TNKS: variants seen among roughly 807,000 people sequenced by gnomAD.
TNKS encodes tankyrase, also known as poly [ADP-ribose] polymerase tankyrase-1.
In TNKS, 72 loss-of-function variants were observed where a neutral mutation model predicts 135.8. The ratio of observed to expected loss-of-function variants is 0.53; its 90% CI spans 0.44 to 0.64. TNKS has a LOEUF of 0.64. TNKS is among the 30% of genes least tolerant of loss of function. The pLI is 0.00. For synonymous variants in TNKS, 849 were observed against 649.3 expected, an observed-to-expected ratio of 1.31 and a Z score of -4.68; for missense variants, 1,769 against 1,674.0, an observed-to-expected ratio of 1.06 and a Z score of -0.99.
chr8:9,565,148 T>G (rs1416201057), intron 1 of TNKS, among the ~76,000 whole-genome samples: 1 of 152,230 alleles, frequency 6.6e-6, no homozygotes, highest in Non-Finnish European at 1.5e-5. Context: ...CTGAGTTCTC[T>G]TCTCGAATCT....
At chr8:9,570,535 AG>A (rs1161957706) in intron 1 of TNKS, among the ~76,000 whole-genome samples, 2 of 152,188 alleles carry the variant, frequency 1.3e-5, no homozygotes, top group African/African-American at 2.4e-5. Flanking sequence ...GCTTGCAAAA[AG>A]CATGCGGTTA....
At chr8:9,740,006 GTAAC>G (rs1805847291) in intron 17 of TNKS, among the ~76,000 whole-genome samples, 1 of 101,260 alleles carries the variant, frequency 9.9e-6, no homozygotes. Context: ...GTATACATAT[GTAAC>G]TAACCTGCAC....
chr8:9,567,551 G>A (rs1226631828), intron 1 of TNKS, among the ~76,000 whole-genome samples: 1 of 152,198 alleles, frequency 6.6e-6, no homozygotes. Flanking sequence ...GAGTAGCTGG[G>A]ACTACAGGCG....
At chr8:9,654,859 G>C (rs1801288207) in intron 3 of TNKS, among the ~76,000 whole-genome samples, 1 of 152,190 alleles carries the variant, frequency 6.6e-6, no homozygotes, top group African/African-American at 2.4e-5. Flanking sequence ...TCCAACTGAG[G>C]TACCGGATTC....
rs916831803 is a variant in TNKS, at chr8:9,713,187, G to A, written c.1749+2967G>A. Among the ~76,000 whole-genome samples, 5 of 152,232 alleles carry A rather than the reference G, an allele frequency of 3.3e-5. No individual in the cohort carries two copies. The South Asian group carries it at 6.2e-4, about 19-fold the overall frequency. ...TACAGATGTATTACCTATTTTGTAG[G>A]TACAACTACTGCATTATTATATAAG... is the stretch of plus-strand genomic sequence containing the variant. On this transcript the variant is annotated intron_variant, in intron 11 of 26. Coordinates refer to ENST00000310430, the MANE Select transcript of TNKS (RefSeq NM_003747.3).
intron 3 of TNKS, among the ~76,000 whole-genome samples, chr8:9,639,624 T>C (rs937550174): frequency 6.6e-6 from 1 of 152,140 alleles, no homozygotes; most frequent in African/African-American, 2.4e-5. Context: ...TAGATATTTA[T>C]TGTAGTTCAG....
At chr8:9,689,562 C>A (rs1053688772) in intron 5 of TNKS, among the ~76,000 whole-genome samples, 31 of 152,066 alleles carry the variant, frequency 2.0e-4, no homozygotes, top group African/African-American at 7.5e-4. Context: ...AAAAATGCTC[C>A]ATAAAATAAT....
At chr8:9,663,325 T>G (rs762148214) in intron 3 of TNKS, among the ~76,000 whole-genome samples, 14 of 152,204 alleles carry the variant, frequency 9.2e-5, no homozygotes, top group Non-Finnish European at 1.5e-4. Flanking sequence ...CCTCAGAGCA[T>G]TATTTGAGGA....
Position 9,719,532 on chromosome 8 carries a change from T to C in TNKS, c.1750-842T>C, listed in dbSNP as rs138273199. ...TTGACATAGATGTTCAGAAAAGGAG[T>C]AATCAAAGTCTTCAAGAAATCAAGG... On this transcript the variant is annotated intron_variant, in intron 11 of 26. Coordinates refer to ENST00000310430, the MANE Select transcript of TNKS (RefSeq NM_003747.3). Among the ~76,000 whole-genome samples, 342 of 152,230 alleles carry C rather than the reference T, an allele frequency of 2.2e-3. 1 individual carries two copies. The highest frequency in any genetic ancestry group is 7.4e-3 in the African/African-American group (309 of 41,532).
chr8:9,667,235 A>C (rs530663724), intron 3 of TNKS, among the ~76,000 whole-genome samples: 27 of 152,336 alleles, frequency 1.8e-4, no homozygotes, highest in African/African-American at 6.5e-4. Flanking sequence ...GAAAGAACTC[A>C]TTTTTGTTTA....
intron 5 of TNKS, among the ~76,000 whole-genome samples, chr8:9,685,518 A>G (rs1300071849): frequency 6.6e-6 from 1 of 152,190 alleles, no homozygotes; most frequent in Non-Finnish European, 1.5e-5. Context: ...GGACACTTAC[A>G]TACTTTTAAG....
At chr8:9,643,294 A>G (rs1800788757) in intron 3 of TNKS, among the ~76,000 whole-genome samples, 1 of 145,956 alleles carries the variant, frequency 6.9e-6, no homozygotes, top group African/African-American at 2.5e-5. Context: ...AGAAGCTGAG[A>G]AGTCCAAGGT....
At chr8:9,639,870 A>C (rs1800657367) in intron 3 of TNKS, among the ~76,000 whole-genome samples, 1 of 152,198 alleles carries the variant, frequency 6.6e-6, no homozygotes, top group South Asian at 2.1e-4. Context: ...ATATTTCTAC[A>C]TATATCTTCC....
At chr8:9,630,014 T>TA (rs1800225051) in intron 3 of TNKS, among the ~76,000 whole-genome samples, 1 of 152,168 alleles carries the variant, frequency 6.6e-6, no homozygotes, top group Non-Finnish European at 1.5e-5. Flanking sequence ...GGTCTCAGCC[T>TA]AAAAATCACC....
At chr8:9,603,211 C>T (rs958504205) in intron 2 of TNKS, among the ~76,000 whole-genome samples, 1 of 152,106 alleles carries the variant, frequency 6.6e-6, no homozygotes, top group Non-Finnish European at 1.5e-5. Flanking sequence ...CGCCACCACA[C>T]CCAGCTACTT....
intron 2 of TNKS, among the ~76,000 whole-genome samples, chr8:9,588,324 G>C (rs1798463711): frequency 6.6e-6 from 1 of 152,012 alleles, no homozygotes; most frequent in Non-Finnish European, 1.5e-5. Flanking sequence ...GCCCAGGCTG[G>C]AGTACAATGG....
chr8:9,574,951 T>C (rs779449903), intron 1 of TNKS: 2 of 748,012 alleles, frequency 2.7e-6, no homozygotes, highest in Non-Finnish European at 3.3e-6. Context: ...CTTGTGACTG[T>C]GAGGTAAGAA....
chr8:9,669,952 T>C (rs979084057), intron 3 of TNKS, among the ~76,000 whole-genome samples: 6 of 152,196 alleles, frequency 3.9e-5, no homozygotes, highest in African/African-American at 1.2e-4. Flanking sequence ...ACCAGTTTGC[T>C]TTTTCTCCTA....
rs1251842067 is a variant in TNKS at position 9,778,954 on chromosome 8, A to C, written c.*2218A>C. The C allele has an allele frequency of 6.6e-6, 1 of 152,206 alleles. No homozygotes were observed. The highest frequency in any genetic ancestry group is 1.5e-5 in the Non-Finnish European group (1 of 68,034). 9.4% of individuals were successfully genotyped at this position (152,206 alleles called of 1,614,324 possible). A position where few individuals can be genotyped will look rare whatever the true frequency, so the allele number is the denominator to read the frequency against. ...TAGATGAATGGATGCGCCAGTTTTC[A>C]TCTTGGTCCTTACACTTGAGAAGTT... On this transcript the variant is annotated 3_prime_UTR_variant, in exon 27 of 27. Coordinates refer to ENST00000310430, the MANE Select transcript of TNKS (RefSeq NM_003747.3).
Sources: gnomAD v4.1 joint callset for allele counts (sites outside exome capture counted in the v4.1 genomes callset) on GRCh38, gnomAD v4.1.1 for gene constraint, MANE v1.5 for transcripts, NCBI Gene and HGNC (gene_info 2026-07-23, HGNC 2026-07-21) for gene names.